The following TUBB4B variants were observed in gnomAD, a reference collection of about 807,000 sequenced individuals.
TUBB4B encodes the protein tubulin beta-4B chain.
TUBB4B carries 7 observed loss-of-function variants against 34.3 expected under a neutral mutation model. The ratio of observed to expected loss-of-function variants is 0.20; its 90% CI spans 0.12 to 0.38. The LOEUF (loss-of-function observed/expected upper bound fraction) is 0.38. Among genes scored for constraint, TUBB4B ranks in the 10% least tolerant of loss-of-function variants. TUBB4B has a pLI of 1.00. For missense variants in TUBB4B, 178 were observed against 610.9 expected, an observed-to-expected ratio of 0.29 and a Z score of 7.47; for synonymous variants, 390 against 250.2, an observed-to-expected ratio of 1.56 and a Z score of -5.27.
intron 1 of TUBB4B, 41 bp from the exon 2 acceptor site, chr9:137,241,680 C>T: frequency 6.4e-7 from 1 of 1,553,678 alleles, no homozygotes; most frequent in South Asian, 1.1e-5. Context: ...GCCGCGGTGA[C>T]TCAGCCCCGG....
chr9:137,242,440 G>C, intron 3 of TUBB4B, 56 bp from the exon 4 acceptor site: 5 of 1,574,416 alleles, frequency 3.2e-6, no homozygotes, highest in Non-Finnish European at 2.6e-6. Context: ...TCGCATGGCG[G>C]TGACCAGTAG....
In TUBB4B at chr9:137,241,701, C is replaced by CCCGCCCGCGT. The variant is rs776417722; in HGVS notation, c.58-17_58-8dup. The CCCGCCCGCGT allele has an allele frequency of 3.1e-6, 5 of 1,601,722 alleles. No homozygotes were observed. The highest frequency in any genetic ancestry group is 4.5e-5 in the East Asian group (2 of 44,184). ...GTGACTCAGCCCCGGCCCGCCCGGG[C>CCCGCCCGCGT]CCGCCCGCGTCCCTTGTAGTTTTGG... On this transcript the variant is annotated intron_variant, in intron 1 of 3. Coordinates refer to ENST00000340384, the MANE Select transcript of TUBB4B (RefSeq NM_006088.6).
rs1836737868 is a variant in TUBB4B, at chr9:137,241,446, G to A, written c.57+29G>A. The A allele has an allele frequency of 1.9e-6, 3 of 1,542,140 alleles. No individual in the cohort carries two copies. The African/African-American group carries it at 4.3e-5, about 22-fold the overall frequency. On this transcript the variant is annotated intron_variant, in intron 1 of 3. Coordinates refer to ENST00000340384, the MANE Select transcript of TUBB4B (RefSeq NM_006088.6). ...AGTTGCCGGGGCGCTGGGGCCAGGC[G>A]GGCCTGCCGGGCGGTGTGGGCGGGC... is the stretch of plus-strand genomic sequence containing the variant.
At chr9:137,242,348 G>A (rs957353098) in intron 3 of TUBB4B, 148 bp from the exon 4 acceptor site, 5 of 970,286 alleles carry the variant, frequency 5.2e-6, no homozygotes, top group African/African-American at 5.0e-5. Flanking sequence ...GCAGGCTGCC[G>A]TCTTTTGGCT....
chr9:137,242,391 A>G (rs1338402628), intron 3 of TUBB4B, 105 bp from the exon 4 acceptor site: 6 of 1,362,842 alleles, frequency 4.4e-6, no homozygotes, highest in Non-Finnish European at 5.0e-6. Flanking sequence ...CTCCAGGGTG[A>G]ATTCTGTGGT....
In TUBB4B at chr9:137,243,534, A is replaced by AGGC; in HGVS notation, c.1317_1319dup (p.Ala440dup). On this transcript the variant is annotated inframe_insertion, in exon 4 of 4. Transcript: ENST00000340384. Reference sequence around the variant, plus strand: ...GAGGAGGAGGGCGAGTTCGAGGAGGAGGCTGAGGAGGAGGTGGCCTAGAGC... The same window carrying AGGC: ...GAGGAGGAGGGCGAGTTCGAGGAGGAGGCGGCTGAGGAGGAGGTGGCCTAGAGC... The AGGC allele has an allele frequency of 6.2e-7, 1 of 1,613,892 alleles. No individual in the cohort carries two copies. The highest frequency in any genetic ancestry group is 8.5e-7 in the Non-Finnish European group (1 of 1,180,006).
intron 3 of TUBB4B, 112 bp from the exon 4 acceptor site, chr9:137,242,384 C>T (rs1242857033): frequency 2.3e-6 from 3 of 1,320,348 alleles, no homozygotes; most frequent in Non-Finnish European, 3.1e-6. Context: ...GCTCTACCTC[C>T]AGGGTGAATT....
At chr9:137,241,599 G>A (rs1020678859) in intron 1 of TUBB4B, 122 bp from the exon 2 acceptor site, 4 of 757,130 alleles carry the variant, frequency 5.3e-6, no homozygotes, top group African/African-American at 3.8e-5. Context: ...CAGGGCGCGC[G>A]GGGCGGGGGA....
At chr9:137,242,271 C>T (rs1221128774) in intron 3 of TUBB4B, 1 of 668,988 alleles carries the variant, frequency 1.5e-6, no homozygotes, top group African/African-American at 1.8e-5. Context: ...TGGGAATTGG[C>T]AGTGGCCCCC....
rs1464574685 is a variant in TUBB4B, at chr9:137,242,869, G to C, written c.651G>C (p.Leu217=). 4 of 1,613,534 alleles carry C rather than the reference G, an allele frequency of 2.5e-6. No individual in the cohort carries two copies. The highest frequency in any genetic ancestry group is 3.4e-6 in the Non-Finnish European group (4 of 1,180,024). Residue 217 remains leucine, a synonymous_variant, in exon 4 of 4, where the codon CTG becomes CTC. Transcript: ENST00000340384. ...ACATTTGCTTCAGAACCCTAAAGCT[G>C]ACCACGCCCACCTATGGTGACCTGA... ...LYDICFRTLK[L]TTPTYGDLNH... is the part of the protein sequence containing the mutation.
At chr9:137,242,134 C>T (rs138017782) in intron 3 of TUBB4B, 113 bp downstream of exon 3, 5 of 1,045,910 alleles carry the variant, frequency 4.8e-6, no homozygotes, top group African/African-American at 1.6e-5. Context: ...CTTCTCTGAG[C>T]CACTCAATCC....
chr9:137,241,513 C>T (rs1333080989), intron 1 of TUBB4B, 96 bp downstream of exon 1: 6 of 1,086,624 alleles, frequency 5.5e-6, no homozygotes, highest in Non-Finnish European at 5.7e-6. Flanking sequence ...GCGGCGCCCC[C>T]GCATTGCGGC....
At position 137,243,511 on chromosome 9, in the gene TUBB4B, G is replaced by A. The variant is rs1445922708; in HGVS notation, c.1293G>A (p.Glu431=). The change falls in exon 4 of 4, where the codon GAG becomes GAA. Residue 431 remains glutamate (E), a synonymous_variant. Transcript: ENST00000340384. ...AGCAGTACCAGGATGCCACAGCCGA[G>A]GAGGAGGGCGAGTTCGAGGAGGAGG... ...EYQQYQDATA[E]EEGEFEEEAE... The A allele has an allele frequency of 6.2e-7, 1 of 1,613,954 alleles. No individual in the cohort carries two copies. The highest frequency in any genetic ancestry group is 1.7e-5 in the Admixed American group (1 of 60,032).
At position 137,242,867 on chromosome 9, in the gene TUBB4B, C is replaced by T. The variant is rs1365786385; in HGVS notation, c.649C>T (p.Leu217=). ...LYDICFRTLK[L]TTPTYGDLNH... is the part of the protein sequence containing the mutation. ...CGACATTTGCTTCAGAACCCTAAAGCTGACCACGCCCACCTATGGTGACCT... is the reference window on the plus strand; with the variant it reads ...CGACATTTGCTTCAGAACCCTAAAGTTGACCACGCCCACCTATGGTGACCT... Residue 217 remains leucine, a synonymous_variant, in exon 4 of 4, where the codon CTG becomes TTG. Coordinates refer to ENST00000340384, the MANE Select transcript of TUBB4B (RefSeq NM_006088.6). 6 of 1,613,556 alleles carry T rather than the reference C, an allele frequency of 3.7e-6. No homozygotes were observed. In the African/African-American group the frequency reaches 6.7e-5, roughly 18 times the overall value.
intron 2 of TUBB4B, 33 bp from the exon 3 acceptor site, chr9:137,241,878 C>T (rs769674107): frequency 2.5e-6 from 4 of 1,611,234 alleles, no homozygotes; most frequent in Admixed American, 1.7e-5. Flanking sequence ...CCCCGCGGCC[C>T]CTGCCTTGGC....
At chr9:137,242,100 G>A in intron 3 of TUBB4B, 79 bp downstream of exon 3, 1 of 1,434,002 alleles carries the variant, frequency 7.0e-7, no homozygotes, top group South Asian at 1.3e-5. Flanking sequence ...GAACTGCGCA[G>A]CCGGGGCCCC....
Position 137,243,655 on chromosome 9 carries a change from C to G in TUBB4B, c.*99C>G, listed in dbSNP as rs765351110. On this transcript the variant is annotated 3_prime_UTR_variant, in exon 4 of 4. Transcript: ENST00000340384. ...TCCCACTGTGTGCACTTGCTGTTTT[C>G]CCTGTCCACATCCATGCTGTACAGA... The G allele has an allele frequency of 2.5e-6, 4 of 1,614,086 alleles. No homozygotes were observed. The highest frequency in any genetic ancestry group is 1.3e-5 in the African/African-American group (1 of 75,060).
rs760204112 is a variant in TUBB4B, at chr9:137,243,334, G to C, written c.1116G>C (p.Thr372=). ...KMSATFIGNS[T]AIQELFKRIS... ...CCGCCACCTTCATTGGCAACAGCAC[G>C]GCCATCCAGGAGCTGTTCAAGCGCA... is the stretch of plus-strand genomic sequence containing the variant. Residue 372 remains threonine (T), a synonymous_variant, in exon 4 of 4, where the codon ACG becomes ACC. Coordinates refer to ENST00000340384, the MANE Select transcript of TUBB4B (RefSeq NM_006088.6). The C allele has an allele frequency of 2.9e-5, 46 of 1,613,464 alleles. No homozygotes were observed. The highest frequency in any genetic ancestry group is 3.9e-5 in the Non-Finnish European group (46 of 1,180,040).
chr9:137,242,107 C>G (rs1836759413), intron 3 of TUBB4B, 86 bp downstream of exon 3: 8 of 1,286,642 alleles, frequency 6.2e-6, no homozygotes, highest in Non-Finnish European at 7.5e-6. Context: ...GCAGCCGGGG[C>G]CCCTGGACGC....
Sources: gnomAD v4.1 joint callset for allele counts on GRCh38, gnomAD v4.1.1 for gene constraint, MANE v1.5 for transcripts, NCBI Gene and HGNC (gene_info 2026-07-23, HGNC 2026-07-21) for gene names.